C11orf65: variants seen among roughly 807,000 people sequenced by gnomAD.
C11orf65 encodes the protein protein MFI.
A neutral mutation model predicts 35.3 loss-of-function variants in C11orf65; 38 were observed. That is an observed-to-expected ratio of 1.08 (90% confidence interval 0.83 to 1.41). C11orf65 has a LOEUF of 1.41. Ranked by LOEUF, C11orf65 falls within the 40% of genes most tolerant of loss-of-function variation. C11orf65 has a pLI of 0.00. For missense variants in C11orf65, 370 were observed against 367.1 expected (o/e 1.01, Z -0.06); for synonymous variants, 105 against 114.4 (o/e 0.92, Z 0.53).
chr11:108,419,515 T>C lies in C11orf65; in HGVS notation c.174+12231A>G, dbSNP rs893868868. 5.9e-5 allele frequency among the ~76,000 whole-genome samples: 9 copies of C among 152,162 alleles called. No homozygotes were observed. In the East Asian group the frequency reaches 1.5e-3, roughly 26 times the overall value. On this transcript the variant is annotated intron_variant, in intron 3 of 8. Transcript: ENST00000393084. The stretch of plus-strand genomic sequence containing the variant: ...GAGTTTGAGACCAGTCTGGGCAACA[T>C]AGGAAGACTCTGTCTCTACAAAAAA...
At chr11:108,376,950 T>C (rs945718922) in intron 2 of C11orf65, among the ~76,000 whole-genome samples, 1 of 152,104 alleles carries the variant, frequency 6.6e-6, no homozygotes, top group African/African-American at 2.4e-5. Context: ...AATCTCTGAA[T>C]AGACCAATAA....
chr11:108,330,917 T>G (rs928040924), downstream of C11orf65, among the ~76,000 whole-genome samples: 7 of 152,242 alleles, frequency 4.6e-5, no homozygotes, highest in African/African-American at 1.4e-4. Flanking sequence ...AACCTTAGAT[T>G]ATAGTGATGA....
chr11:108,312,626 A>ATT (rs2084274327), intron 6 of C11orf65: 2 of 677,538 alleles, frequency 3.0e-6, no homozygotes, highest in Non-Finnish European at 5.1e-6. Context: ...AGCATCATAT[A>ATT]TATAAAATTA....
chr11:108,419,157 C>G (rs1228056892), intron 3 of C11orf65, among the ~76,000 whole-genome samples: 1 of 152,020 alleles, frequency 6.6e-6, no homozygotes, highest in Non-Finnish European at 1.5e-5. Context: ...AAATGTGATA[C>G]CAAAATCTGA....
intron 6 of C11orf65, among the ~76,000 whole-genome samples, chr11:108,309,837 CCTATT>C (rs2083993703): frequency 1.3e-5 from 2 of 151,994 alleles, no homozygotes; most frequent in Non-Finnish European, 2.9e-5. Context: ...TTCTGTGTAT[CCTATT>C]CTTAGTCTGT....
At chr11:108,443,399 A>C (rs1591569387) in intron 2 of C11orf65, among the ~76,000 whole-genome samples, 2 of 152,298 alleles carry the variant, frequency 1.3e-5, no homozygotes, top group Admixed American at 6.5e-5. Flanking sequence ...CCCCACTGTC[A>C]ACATGAGACA....
chr11:108,374,149 C>T (rs192766271), intron 2 of C11orf65, among the ~76,000 whole-genome samples: 85 of 152,108 alleles, frequency 5.6e-4, no homozygotes, highest in Admixed American at 2.0e-3. Flanking sequence ...TCTCCCAGCA[C>T]GCAGTTTGAG....
intron 3 of C11orf65, among the ~76,000 whole-genome samples, chr11:108,430,065 GTGGTGATGGT>G (rs2092962805): frequency 2.0e-5 from 3 of 151,898 alleles, no homozygotes; most frequent in South Asian, 2.1e-4. Context: ...GAGATGGGTG[GTGGTGATGGT>G]TGGTGATGGT....
Position 108,316,010 on chromosome 11 carries a change from G to C in C11orf65, c.641-6939C>G, listed in dbSNP as rs1591778339. 6.2e-7 allele frequency: 1 copy of C among 1,613,948 alleles called. No individual in the cohort carries two copies. Among genetic ancestry groups the C allele is most frequent in the Admixed American group, 1.7e-5 (1 of 60,020 alleles). The stretch of plus-strand genomic sequence containing the variant: ...GCTATTTTCACAATCTTTTCTTATA[G>C]ACTACGAACATATGAACACGAAGCA... On this transcript the variant is annotated intron_variant, in intron 6 of 6. Coordinates refer to the C11orf65 transcript ENST00000525729.
At chr11:108,331,365 TAAAA>T, downstream of C11orf65, 1 of 1,539,982 alleles carries the variant, frequency 6.5e-7, no homozygotes, top group Non-Finnish European at 8.8e-7. Context: ...AGCACTGTCT[TAAAA>T]TAACTTACTT....
At chr11:108,465,995 A>AAACAAC (rs1223328038) in intron 1 of C11orf65, among the ~76,000 whole-genome samples, 1 of 99,430 alleles carries the variant, frequency 1.0e-5, no homozygotes, top group Non-Finnish European at 2.0e-5. Flanking sequence ...AAAAAAAAAA[A>AAACAAC]AACAACAACA....
chr11:108,430,286 G>A (rs1239582825), intron 3 of C11orf65, among the ~76,000 whole-genome samples: 4 of 137,032 alleles, frequency 2.9e-5, no homozygotes, highest in East Asian at 4.2e-4. Context: ...CTGCCACCAC[G>A]CCTGGCTAAT....
intron 7 of C11orf65, among the ~76,000 whole-genome samples, chr11:108,389,767 C>G (rs1386381420): frequency 6.6e-6 from 1 of 151,798 alleles, no homozygotes; most frequent in African/African-American, 2.4e-5. Flanking sequence ...GCAAGCTCTG[C>G]CTCCCAATGG....
At chr11:108,337,845 A>G (rs2087023036) in intron 2 of C11orf65, among the ~76,000 whole-genome samples, 1 of 152,266 alleles carries the variant, frequency 6.6e-6, no homozygotes, top group Non-Finnish European at 1.5e-5. Context: ...TATGGGCTAT[A>G]GGAGCACCTC....
At chr11:108,364,117 G>A (rs1386905115) in intron 2 of C11orf65, among the ~76,000 whole-genome samples, 1 of 152,088 alleles carries the variant, frequency 6.6e-6, no homozygotes, top group African/African-American at 2.4e-5. Flanking sequence ...AGAGATTTTG[G>A]TTCTGCTAAT....
chr11:108,404,081 T>C (rs1477925324), intron 6 of C11orf65, among the ~76,000 whole-genome samples: 3 of 152,014 alleles, frequency 2.0e-5, no homozygotes, highest in Non-Finnish European at 2.9e-5. Context: ...AACCATGTTC[T>C]TTCCAAATCC....
At position 108,393,370 on chromosome 11, in the gene C11orf65, G is replaced by A. The variant is rs764310996; in HGVS notation, c.569C>T (p.Ser190Leu). Residue 190 changes from serine to leucine, a missense_variant, in exon 7 of 9, where the codon TCA becomes TTA. Transcript: ENST00000393084. ...KIEWMRQMYY[S>L]GSLEAKSTHH... is the part of the protein sequence containing the mutation. ...TGTTGACTTAGCCTCCAGACTTCCT[G>A]AGTAGTACCTAAATAGGCAAAAGGG... The A allele has an allele frequency of 6.2e-7, 1 of 1,613,556 alleles. No homozygotes were observed. Among genetic ancestry groups the A allele is most frequent in the Admixed American group, 1.7e-5 (1 of 60,000 alleles).
intron 2 of C11orf65, among the ~76,000 whole-genome samples, chr11:108,460,655 T>A (rs2093462292): frequency 6.6e-6 from 1 of 152,176 alleles, no homozygotes; most frequent in Non-Finnish European, 1.5e-5. Context: ...CTGGCCCAGA[T>A]CAGGAACTCA....
chr11:108,396,199 TCTC>T lies in C11orf65; in HGVS notation c.561-2824_561-2822del, dbSNP rs1340428645. 2.6e-5 allele frequency among the ~76,000 whole-genome samples: 4 copies of T among 152,112 alleles called. No individual in the cohort carries two copies. In the South Asian group the frequency reaches 6.2e-4, roughly 24 times the overall value. ...CCTCTGCCTCCTGGGTTCAAGCAGT[TCTC>T]CTGCCTCAGCCTTTCAACTAGCTGG... On this transcript the variant is annotated intron_variant, in intron 6 of 8. Coordinates refer to ENST00000393084, the MANE Select transcript of C11orf65 (RefSeq NM_152587.5).
Sources: allele counts gnomAD v4.1 joint callset (sites outside exome capture counted in the v4.1 genomes callset), GRCh38; gene constraint gnomAD v4.1.1; transcripts MANE v1.5; gene names NCBI Gene and HGNC (gene_info 2026-07-23, HGNC 2026-07-21).